The following SLK variants were observed in gnomAD, a reference collection of about 807,000 sequenced individuals.
SLK encodes STE20 like kinase, also known as STE20-like serine/threonine-protein kinase.
SLK carries 67 observed loss-of-function variants against 147.7 expected under a neutral mutation model. That is an observed-to-expected ratio of 0.45 (90% CI 0.37 to 0.56). The LOEUF (loss-of-function observed/expected upper bound fraction) is 0.56. Among genes scored for constraint, SLK ranks in the 20% least tolerant of loss-of-function variants. SLK has a pLI of 0.00. For missense variants in SLK, 1,136 were observed against 1,438.8 expected (o/e 0.79, Z 3.41); for synonymous variants, 441 against 475.0 (o/e 0.93, Z 0.93).
In SLK at chr10:104,016,155, AG is replaced by A. The variant is rs778181935; in HGVS notation, c.2878-2004del. On this transcript the variant is annotated intron_variant, in intron 13 of 18. Coordinates refer to ENST00000369755, the MANE Select transcript of SLK (RefSeq NM_014720.4). ...ACCACGGTGAAACCCCGTCTCTACT[AG>A]AAAATACAAAAAATTAGCTGGGCGT... is the stretch of plus-strand genomic sequence containing the variant. 8.2e-4 allele frequency among the ~76,000 whole-genome samples: 124 copies of A among 152,120 alleles called. 1 individual carries two copies. Among genetic ancestry groups the A allele is most frequent in the Non-Finnish European group, 7.9e-4 (54 of 67,994 alleles).
chr10:104,010,543 G>T (rs751938089), intron 12 of SLK, among the ~76,000 whole-genome samples: 2 of 152,082 alleles, frequency 1.3e-5, no homozygotes, highest in South Asian at 2.1e-4. Context: ...GTAATTCTTC[G>T]CTGGTTGTCT....
chr10:103,990,650 A>G (rs770831892), intron 1 of SLK, 25 bp from the exon 2 acceptor site: 1 of 1,447,370 alleles, frequency 6.9e-7, no homozygotes, highest in Non-Finnish European at 9.2e-7. Flanking sequence ...TTGAAATGTG[A>G]CACTTCTGAT....
At chr10:104,007,014 G>T (rs1844335329) in intron 11 of SLK, among the ~76,000 whole-genome samples, 1 of 152,114 alleles carries the variant, frequency 6.6e-6, no homozygotes, top group African/African-American at 2.4e-5. Flanking sequence ...ATAAACAGGA[G>T]TCTTGTTGCA....
At chr10:103,992,927 G>A in intron 3 of SLK, 57 bp from the exon 4 acceptor site, 1 of 1,293,052 alleles carries the variant, frequency 7.7e-7, no homozygotes. Flanking sequence ...TATATAGCCT[G>A]CTAATATGTT....
chr10:103,979,003 A>G (rs1031002294), intron 1 of SLK, among the ~76,000 whole-genome samples: 4 of 61,378 alleles, frequency 6.5e-5, no homozygotes, highest in Non-Finnish European at 7.1e-5. Context: ...AAATCAAGAT[A>G]TTTTATTAAT....
rs1844614308 is a variant in SLK, at chr10:104,027,534, TG to T, written c.*1815del. The T allele has an allele frequency of 6.6e-6, 1 of 152,574 alleles. No homozygotes were observed. Among genetic ancestry groups the T allele is most frequent in the Non-Finnish European group, 1.5e-5 (1 of 68,028 alleles). The allele number at this position is 152,574 out of a possible 1,614,324, so 9.5% of individuals were successfully genotyped here. A position where few individuals can be genotyped will look rare whatever the true frequency, so the allele number is the denominator to read the frequency against. ...TATCTTTATAAAGTAATATTCAGGATGATGATAAAAATTGTTTATATTGTTA... is the reference window on the plus strand; with the variant it reads ...TATCTTTATAAAGTAATATTCAGGATATGATAAAAATTGTTTATATTGTTA... On this transcript the variant is annotated 3_prime_UTR_variant, in exon 19 of 19. Coordinates refer to ENST00000369755, the MANE Select transcript of SLK (RefSeq NM_014720.4).
At chr10:104,016,188 G>A (rs867370977) in intron 13 of SLK, among the ~76,000 whole-genome samples, 8 of 152,024 alleles carry the variant, frequency 5.3e-5, no homozygotes, top group South Asian at 2.1e-4. Context: ...GCGTGGTGGT[G>A]GGCGCCTGTA....
At position 104,005,552 on chromosome 10, in the gene SLK, C is replaced by G; in HGVS notation, c.2350-9C>G. 2 of 1,596,416 alleles carry G rather than the reference C, an allele frequency of 1.3e-6. No homozygotes were observed. Among genetic ancestry groups the G allele is most frequent in the Non-Finnish European group, 1.7e-6 (2 of 1,174,904 alleles). On this transcript the variant is annotated splice_polypyrimidine_tract_variant and intron_variant, in intron 9 of 18. Coordinates refer to ENST00000369755, the MANE Select transcript of SLK (RefSeq NM_014720.4). ...GTACAAAGCCTAACTAAAATAAAAT[C>G]TCACTCAGGAAACAAGAAGACAAAA...
intron 10 of SLK, 73 bp from the exon 11 acceptor site, chr10:104,005,839 G>A: frequency 6.5e-7 from 1 of 1,536,916 alleles, no homozygotes; most frequent in Non-Finnish European, 8.8e-7. Context: ...AATTTTTAAA[G>A]CTTTAAAAAA....
chr10:104,003,215 A>G lies in SLK; in HGVS notation c.2037A>G (p.Ile679Met). Residue 679 changes from isoleucine (I) to methionine (M), a missense_variant, in exon 9 of 19, where the codon ATA (isoleucine) becomes ATG (methionine). Coordinates refer to ENST00000369755, the MANE Select transcript of SLK (RefSeq NM_014720.4). ...ATGCTTCTAAAGTCACTACTCAGAT[A>G]GATAAAGAGAAAAAAGAAATTCCAG... is the stretch of plus-strand genomic sequence containing the variant. ...VQDASKVTTQIDKEKKEIPVS... is the reference protein window; with the variant it reads ...VQDASKVTTQMDKEKKEIPVS... 2 of 1,611,468 alleles carry G rather than the reference A, an allele frequency of 1.2e-6. No individual in the cohort carries two copies. Among genetic ancestry groups the G allele is most frequent in the Non-Finnish European group, 1.7e-6 (2 of 1,179,316 alleles).
chr10:103,996,400 C>CT (rs555751299), intron 4 of SLK, among the ~76,000 whole-genome samples: 24,819 of 106,412 alleles, frequency 0.23, 3,263 homozygotes, highest in African/African-American at 0.37. Context: ...TTTTTCTTTT[C>CT]TTTTTTTTTT....
rs760685858 is a variant in SLK, at chr10:104,028,918, A to G, written c.*3198A>G. On this transcript the variant is annotated 3_prime_UTR_variant, in exon 19 of 19. Transcript: ENST00000369755. The stretch of plus-strand genomic sequence containing the variant: ...TTCTGAGAAATGATTTTTATAAGAA[A>G]TGGGGTGATTCTTTAAATGCTTTTC... 2.6e-5 allele frequency: 4 copies of G among 152,210 alleles called. No homozygotes were observed. The highest frequency in any genetic ancestry group is 4.8e-5 in the African/African-American group (2 of 41,452). 9.4% of individuals were successfully genotyped at this position (152,210 alleles called of 1,614,324 possible).
At chr10:104,000,632 T>C (rs1020093803) in intron 7 of SLK, among the ~76,000 whole-genome samples, 5 of 152,210 alleles carry the variant, frequency 3.3e-5, no homozygotes, top group African/African-American at 1.2e-4. Context: ...ATGAGTAAAA[T>C]GGCTTCTCAT....
intron 1 of SLK, 123 bp downstream of exon 1, chr10:103,968,018 G>T (rs1843740956): frequency 9.8e-7 from 1 of 1,018,580 alleles, no homozygotes; most frequent in East Asian, 2.6e-5. Context: ...ACGGTTCGAT[G>T]CAACTTTACT....
intron 1 of SLK, among the ~76,000 whole-genome samples, chr10:103,981,106 A>G (rs1290774703): frequency 6.6e-6 from 1 of 151,900 alleles, no homozygotes; most frequent in Admixed American, 6.6e-5. Context: ...TCATGTGCTT[A>G]TTGGCCATTT....
At chr10:103,971,297 T>A (rs1843789572) in intron 1 of SLK, among the ~76,000 whole-genome samples, 2 of 152,178 alleles carry the variant, frequency 1.3e-5, no homozygotes. Context: ...TGTTTTGAGA[T>A]GGAGTCCCTC....
intron 4 of SLK, 103 bp downstream of exon 4, chr10:103,993,236 C>G (rs1844124059): frequency 1.3e-6 from 1 of 759,932 alleles, no homozygotes; most frequent in African/African-American, 1.8e-5. Flanking sequence ...ATATGTGAAA[C>G]ATGGAGAACT....
intron 18 of SLK, among the ~76,000 whole-genome samples, 181 bp from the exon 19 acceptor site, chr10:104,025,388 TGGCTG>T (rs1844584532): frequency 6.6e-6 from 1 of 152,222 alleles, no homozygotes; most frequent in Non-Finnish European, 1.5e-5. Flanking sequence ...TCCATTTATG[TGGCTG>T]AGCTGGACTT....
In SLK at chr10:104,002,538, A is replaced by G. The variant is rs1302110062; in HGVS notation, c.1360A>G (p.Asn454Asp). 7 of 1,609,244 alleles carry G rather than the reference A, an allele frequency of 4.3e-6. No homozygotes were observed. The highest frequency in any genetic ancestry group is 5.9e-6 in the Non-Finnish European group (7 of 1,177,964). ...TTCAGTCAGTGAAGGAAAAGAGAATAATATAATGATAACCTTAGAAACAAA... is the reference window on the plus strand; with the variant it reads ...TTCAGTCAGTGAAGGAAAAGAGAATGATATAATGATAACCTTAGAAACAAA... Reference protein sequence around the residue: ...INSVSEGKENNIMITLETNIE... With the variant: ...INSVSEGKENDIMITLETNIE... Residue 454 changes from asparagine (N) to aspartate (D), a missense_variant, in exon 9 of 19, where the codon AAT (asparagine) becomes GAT (aspartate). By Grantham distance (23) the Asn-to-Asp change is conservative. Transcript: ENST00000369755.
Sources: gnomAD v4.1 joint callset for allele counts (sites outside exome capture counted in the v4.1 genomes callset) on GRCh38, gnomAD v4.1.1 for gene constraint, MANE v1.5 for transcripts, NCBI Gene and HGNC (gene_info 2026-07-23, HGNC 2026-07-21) for gene names.